The following NREP variants were observed in gnomAD, a reference collection of about 807,000 sequenced individuals.
NREP encodes the protein neuronal regeneration related protein.
In NREP, 5 loss-of-function variants were observed where a neutral mutation model predicts 8.6. The observed-to-expected ratio is 0.58, with a 90% CI of 0.30 to 1.22. NREP has a LOEUF of 1.22. Among genes scored for constraint, NREP ranks in the 50% most tolerant of loss-of-function variants. NREP has a pLI of 0.07. For missense variants in NREP, 86 were observed against 82.5 expected, an observed-to-expected ratio of 1.04 and a Z score of -0.17; for synonymous variants, 27 against 28.0, an observed-to-expected ratio of 0.96 and a Z score of 0.11.
At chr5:111,732,984 G>A (rs555177893) in intron 3 of NREP, 1 of 152,226 alleles carries the variant, frequency 6.6e-6, no homozygotes, top group African/African-American at 2.4e-5. Context: ...CTCAGTCTCA[G>A]TACTAATCTT....
intron 2 of NREP, among the ~76,000 whole-genome samples, chr5:111,793,924 C>T (rs1751814278): frequency 6.6e-6 from 1 of 152,010 alleles, no homozygotes; most frequent in African/African-American, 2.4e-5. Flanking sequence ...GGTGTGGTGG[C>T]ATATGCCTGT....
chr5:111,935,891 T>C (rs73787740), intron 2 of NREP, among the ~76,000 whole-genome samples: 1,957 of 152,162 alleles, frequency 0.013, 22 homozygotes, highest in South Asian at 0.037. Flanking sequence ...TAGAAATTTA[T>C]TCTCCCATAG....
At chr5:111,838,473 A>T (rs1037538566) in intron 2 of NREP, among the ~76,000 whole-genome samples, 1 of 152,142 alleles carries the variant, frequency 6.6e-6, no homozygotes, top group Non-Finnish European at 1.5e-5. Flanking sequence ...TATGGTTAAC[A>T]TTTACAAACA....
At chr5:111,750,923 A>G (rs147884591) in intron 2 of NREP, among the ~76,000 whole-genome samples, 317 of 152,280 alleles carry the variant, frequency 2.1e-3, no homozygotes, top group African/African-American at 7.4e-3. Flanking sequence ...GTTTCACCGC[A>G]CTTTGTTTTA....
Position 111,872,764 on chromosome 5 carries a change from G to T in NREP, c.135+102510C>A, listed in dbSNP as rs549798510. 2.0e-3 allele frequency among the ~76,000 whole-genome samples: 299 copies of T among 152,286 alleles called. 3 individuals carry two copies. The highest frequency in any genetic ancestry group is 1.6e-3 in the Non-Finnish European group (107 of 68,024). ...TTGTTTAATAAATATTTGTATTTGT[G>T]ACAGAATTTGAAGTGAGACTTGCTT... is the stretch of plus-strand genomic sequence containing the variant. On this transcript the variant is annotated intron_variant, in intron 2 of 3. Coordinates refer to the NREP transcript ENST00000395634.
chr5:111,921,467 A>G (rs1166022708), intron 2 of NREP, among the ~76,000 whole-genome samples: 1 of 152,152 alleles, frequency 6.6e-6, no homozygotes, highest in Non-Finnish European at 1.5e-5. Context: ...TAGTTGACAT[A>G]GAAACAGCAT....
At chr5:111,904,458 A>G (rs555681092) in intron 2 of NREP, among the ~76,000 whole-genome samples, 3 of 152,174 alleles carry the variant, frequency 2.0e-5, no homozygotes, top group South Asian at 2.1e-4. Flanking sequence ...TCATTTTACT[A>G]TCTCTACAGT....
chr5:111,863,693 A>T (rs2112484979), intron 2 of NREP, among the ~76,000 whole-genome samples: 1 of 152,298 alleles, frequency 6.6e-6, no homozygotes, highest in East Asian at 1.9e-4. Context: ...TTTAATAAGC[A>T]ATCATAATTA....
chr5:111,976,830 G>T, exon 1 of NREP: 1 of 965,204 alleles, frequency 1.0e-6, no homozygotes, highest in Non-Finnish European at 1.6e-6. Context: ...TCAGGACACA[G>T]CTCTGCAGCC....
chr5:111,790,975 C>T (rs1025816985), intron 2 of NREP, among the ~76,000 whole-genome samples: 1 of 152,090 alleles, frequency 6.6e-6, no homozygotes, highest in Admixed American at 6.6e-5. Flanking sequence ...CTTAAATATG[C>T]ACATATTTTG....
At chr5:111,846,037 TAAGTC>T (rs1753154546) in intron 2 of NREP, 1 of 155,320 alleles carries the variant, frequency 6.4e-6, no homozygotes. Context: ...AAGTCTCCCG[TAAGTC>T]AATATCCCAC....
Position 111,871,436 on chromosome 5 carries a change from G to T in NREP, c.135+103838C>A, listed in dbSNP as rs915599000. ...GGGTGAGTCAGTGAGTGAGTGGCGA[G>T]TGAATGTGAAGGCCTAGTACATTAT... On this transcript the variant is annotated intron_variant, in intron 2 of 3. Coordinates refer to the NREP transcript ENST00000395634. Among the ~76,000 whole-genome samples, 3 of 152,276 alleles carry T rather than the reference G, an allele frequency of 2.0e-5. No individual in the cohort carries two copies. In the South Asian group the frequency reaches 6.2e-4, roughly 32 times the overall value.
intron 2 of NREP, among the ~76,000 whole-genome samples, chr5:111,918,185 C>T (rs1755119431): frequency 2.0e-5 from 3 of 152,046 alleles, no homozygotes; most frequent in Admixed American, 6.5e-5. Context: ...GAACTACAAA[C>T]CACTGCTCAA....
rs1223620839 is a variant in NREP at position 111,730,968 on chromosome 5, T to C, written c.160A>G (p.Ser54Gly). 1 of 1,613,952 alleles carries C rather than the reference T, an allele frequency of 6.2e-7. No individual in the cohort carries two copies. Among genetic ancestry groups the C allele is most frequent in the Admixed American group, 1.7e-5 (1 of 60,018 alleles). Reference sequence around the variant, plus strand: ...ATTCTTGGGGAGCGGAGTTCACTGCTGCCCAGTGGAGTCAGGGAGGCAGCG... The same window carrying C: ...ATTCTTGGGGAGCGGAGTTCACTGCCGCCCAGTGGAGTCAGGGAGGCAGCG... ...TNAASLTPLG[S>G]SELRSPRISY... is the part of the protein sequence containing the mutation. The change falls in exon 4 of 4, where the codon AGC (serine) becomes GGC (glycine). Residue 54 changes from serine (S) to glycine (G), a missense_variant. Physicochemically the swap from Ser to Gly is moderately conservative, Grantham distance 56. Transcript: ENST00000257435.
upstream of NREP, among the ~76,000 whole-genome samples, chr5:111,759,353 G>A (rs184174852): frequency 1.3e-5 from 2 of 151,910 alleles, no homozygotes; most frequent in Admixed American, 1.3e-4. Context: ...GGACTTTAAC[G>A]TTTATGTAAA....
chr5:111,905,680 G>T (rs1422125469), intron 2 of NREP, among the ~76,000 whole-genome samples: 1 of 151,974 alleles, frequency 6.6e-6, no homozygotes, highest in Non-Finnish European at 1.5e-5. Flanking sequence ...AGTGCTGTTG[G>T]TAAAAAAACC....
intron 2 of NREP, among the ~76,000 whole-genome samples, chr5:111,953,932 C>T (rs1204563762): frequency 6.6e-6 from 1 of 152,088 alleles, no homozygotes. Flanking sequence ...CTCAAAGTAT[C>T]ACCATGTGTA....
At chr5:111,741,174 G>C (rs1415362475) in intron 2 of NREP, among the ~76,000 whole-genome samples, 2 of 152,134 alleles carry the variant, frequency 1.3e-5, no homozygotes, top group Non-Finnish European at 2.9e-5. Context: ...TCTGTCTCCT[G>C]CAATTAGGAA....
intron 2 of NREP, among the ~76,000 whole-genome samples, chr5:111,971,318 A>AT (rs1029935436): frequency 1.8e-4 from 27 of 152,276 alleles, no homozygotes; most frequent in Middle Eastern, 6.8e-3. Context: ...TCTCAATCAC[A>AT]TTTTTTTCAC....
Sources: allele counts gnomAD v4.1 joint callset (sites outside exome capture counted in the v4.1 genomes callset), GRCh38; gene constraint gnomAD v4.1.1; transcripts MANE v1.5; gene names NCBI Gene and HGNC (gene_info 2026-07-23, HGNC 2026-07-21).